DYDC2: variants seen among roughly 807,000 people sequenced by gnomAD.
DYDC2 encodes the protein DPY30 domain containing 2.
A neutral mutation model predicts 18.7 loss-of-function variants in DYDC2; 19 were observed. The observed-to-expected ratio is 1.02, with a 90% CI of 0.71 to 1.49. DYDC2 has a LOEUF of 1.49. Among genes scored for constraint, DYDC2 ranks in the 40% most tolerant of loss-of-function variants. DYDC2 has a pLI of 0.00. For synonymous variants in DYDC2, 63 were observed against 67.6 expected (o/e 0.93, Z 0.34); for missense variants, 179 against 205.1 (o/e 0.87, Z 0.78).
rs946954181 is a variant in DYDC2 at position 80,366,858 on chromosome 10, G to A, written c.441G>A (p.Gln147=). ...PPSESAGQID[Q]NFKMPQEINY... ...CAGAGTCTGCTGGCCAGATTGACCA[G>A]AACTTCAAAATGCCACAAGAAATAA... The change falls in exon 5 of 5, where the codon CAG becomes CAA. Residue 147 remains glutamine (Q), a synonymous_variant. Transcript: ENST00000256039. The A allele has an allele frequency of 5.6e-6, 9 of 1,614,010 alleles. No homozygotes were observed. The highest frequency in any genetic ancestry group is 3.3e-5 in the Admixed American group (2 of 60,000).
At chr10:80,344,797 T>C in exon 1 of DYDC2, 3 of 288,138 alleles carry the variant, frequency 1.0e-5, no homozygotes, top group South Asian at 7.0e-5. Flanking sequence ...TTCTGAGACC[T>C]CCCCAGCAAT....
chr10:80,357,035 G>A (rs1273083714), intron 1 of DYDC2, among the ~76,000 whole-genome samples: 2 of 141,392 alleles, frequency 1.4e-5, no homozygotes, highest in African/African-American at 2.6e-5. Context: ...CGGGGCGCCC[G>A]GCAGAGAGAA....
At chr10:80,361,899 C>T (rs1328622857) in intron 2 of DYDC2, among the ~76,000 whole-genome samples, 1 of 152,202 alleles carries the variant, frequency 6.6e-6, no homozygotes, top group East Asian at 1.9e-4. Context: ...CTCCAAGGAG[C>T]CCTGATTCCT....
At position 80,366,985 on chromosome 10, in the gene DYDC2, C is replaced by T; in HGVS notation, c.*34C>T. On this transcript the variant is annotated 3_prime_UTR_variant, in exon 5 of 5. Transcript: ENST00000256039. The stretch of plus-strand genomic sequence containing the variant: ...AGGTAGATGCTTCTGATTTACTTCT[C>T]TCAAAGCTAGAAGCCAAGAAAATGG... 1 of 1,572,912 alleles carries T rather than the reference C, an allele frequency of 6.4e-7. No homozygotes were observed. The highest frequency in any genetic ancestry group is 8.6e-7 in the Non-Finnish European group (1 of 1,162,788).
At chr10:80,349,931 G>C (rs1276211118) in intron 1 of DYDC2, among the ~76,000 whole-genome samples, 1 of 152,154 alleles carries the variant, frequency 6.6e-6, no homozygotes, top group African/African-American at 2.4e-5. Flanking sequence ...AAATATCAAG[G>C]AATTTCAAGT....
intron 2 of DYDC2, among the ~76,000 whole-genome samples, chr10:80,359,073 T>C (rs527302182): frequency 1.3e-5 from 2 of 152,142 alleles, no homozygotes; most frequent in Non-Finnish European, 2.9e-5. Flanking sequence ...AGCTGCTGGC[T>C]CAGGCAGCCT....
chr10:80,361,932 C>G (rs1265126686), intron 2 of DYDC2, among the ~76,000 whole-genome samples: 1 of 152,230 alleles, frequency 6.6e-6, no homozygotes, highest in Admixed American at 6.5e-5. Flanking sequence ...AGGCTATTTA[C>G]AAGCAAGGTT....
intron 4 of DYDC2, 47 bp downstream of exon 4, chr10:80,363,120 T>C (rs538590290): frequency 3.8e-6 from 6 of 1,566,992 alleles, no homozygotes; most frequent in South Asian, 2.4e-5. Context: ...ATCCCAGTGA[T>C]GGACTCCAGG....
upstream of DYDC2, among the ~76,000 whole-genome samples, chr10:80,355,111 T>C (rs1352258182): frequency 1.4e-5 from 2 of 143,170 alleles, no homozygotes; most frequent in Non-Finnish European, 3.0e-5. Context: ...AAAAAAACAG[T>C]AAAATTAACA....
At chr10:80,359,469 C>T (rs1843592716) in intron 2 of DYDC2, among the ~76,000 whole-genome samples, 1 of 152,244 alleles carries the variant, frequency 6.6e-6, no homozygotes, top group South Asian at 2.1e-4. Flanking sequence ...GCAGGCGGAG[C>T]TGCCTGCCAG....
intron 2 of DYDC2, among the ~76,000 whole-genome samples, chr10:80,359,009 C>T (rs550903212): frequency 6.6e-6 from 1 of 152,314 alleles, no homozygotes; most frequent in African/African-American, 2.4e-5. Flanking sequence ...AGATTTACTA[C>T]AAAGAGCAAA....
upstream of DYDC2, among the ~76,000 whole-genome samples, chr10:80,353,632 A>T (rs1204050216): frequency 6.7e-6 from 1 of 150,018 alleles, no homozygotes; most frequent in Non-Finnish European, 1.5e-5. Flanking sequence ...CGGGCGGATC[A>T]CAAGGTCAGG....
At chr10:80,358,103 G>A (rs1843497359) in intron 2 of DYDC2, 58 bp downstream of exon 2, 3 of 978,768 alleles carry the variant, frequency 3.1e-6, no homozygotes, top group African/African-American at 1.8e-5. Flanking sequence ...TTGGCCAGGC[G>A]CGGTGGCTCA....
chr10:80,358,465 C>A (rs1347241444), intron 2 of DYDC2, among the ~76,000 whole-genome samples: 1 of 152,156 alleles, frequency 6.6e-6, no homozygotes, highest in Non-Finnish European at 1.5e-5. Flanking sequence ...GTCTTTGTAC[C>A]ATATTTTAGC....
chr10:80,353,404 C>T (rs935931523), upstream of DYDC2, among the ~76,000 whole-genome samples: 9 of 150,178 alleles, frequency 6.0e-5, no homozygotes, highest in African/African-American at 1.2e-4. Context: ...CCTCGTGATC[C>T]GCCCACCTCG....
intron 2 of DYDC2, among the ~76,000 whole-genome samples, chr10:80,360,532 T>C (rs1279967900): frequency 1.3e-5 from 2 of 152,158 alleles, no homozygotes; most frequent in African/African-American, 2.4e-5. Context: ...AAGTCTCTTT[T>C]GCCATTTAAG....
At chr10:80,345,992 CCAT>C (rs1453249255) in intron 1 of DYDC2, among the ~76,000 whole-genome samples, 1 of 152,100 alleles carries the variant, frequency 6.6e-6, no homozygotes, top group East Asian at 1.9e-4. Context: ...CAGGTGCATG[CCAT>C]CATCATCATG....
At chr10:80,344,987 T>C (rs1170802890) in intron 1 of DYDC2, among the ~76,000 whole-genome samples, 1 of 152,172 alleles carries the variant, frequency 6.6e-6, no homozygotes, top group Non-Finnish European at 1.5e-5. Context: ...AGATGTGTCA[T>C]AGCTGACAGT....
chr10:80,356,525 C>T (rs1442924817), upstream of DYDC2: 1 of 985,414 alleles, frequency 1.0e-6, no homozygotes, highest in Non-Finnish European at 1.2e-6. Context: ...GCGCTCCCCG[C>T]TCAGGGGGAG....
Sources: gnomAD v4.1 joint callset for allele counts (sites outside exome capture counted in the v4.1 genomes callset) on GRCh38, gnomAD v4.1.1 for gene constraint, MANE v1.5 for transcripts, NCBI Gene and HGNC (gene_info 2026-07-23, HGNC 2026-07-21) for gene names.